The following SIPA1L2 variants were observed in gnomAD, a reference collection of about 807,000 sequenced individuals.
The protein encoded by SIPA1L2 is signal induced proliferation associated 1 like 2.
Under a neutral mutation model 163.9 loss-of-function variants are expected in SIPA1L2, and 56 were observed. That is an observed-to-expected ratio of 0.34 (90% confidence interval 0.28 to 0.43). The LOEUF is 0.43. Among genes scored for constraint, SIPA1L2 ranks in the 20% least tolerant of loss-of-function variants. The pLI is 1.00. For missense variants in SIPA1L2, 1,974 were observed against 2,193.5 expected (o/e 0.90, Z 2.00); for synonymous variants, 877 against 865.7 (o/e 1.01, Z -0.23).
At chr1:232,593,138 G>T (rs564465495) in intron 1 of SIPA1L2, among the ~76,000 whole-genome samples, 1 of 152,092 alleles carries the variant, frequency 6.6e-6, no homozygotes, top group Admixed American at 6.5e-5. Context: ...ATTGTATCAC[G>T]TATTTACAAC....
chr1:232,416,903 G>T (rs954654481), intron 18 of SIPA1L2, among the ~76,000 whole-genome samples: 2 of 152,096 alleles, frequency 1.3e-5, no homozygotes, highest in African/African-American at 4.8e-5. Flanking sequence ...AAGTGTTTAT[G>T]TCATTAATAA....
intron 3 of SIPA1L2, among the ~76,000 whole-genome samples, chr1:232,499,091 A>C (rs1286565516): frequency 6.6e-6 from 1 of 152,234 alleles, no homozygotes; most frequent in Non-Finnish European, 1.5e-5. Context: ...AATTACACTC[A>C]TCAATTGCCC....
At chr1:232,440,254 C>T (rs931608396) in intron 14 of SIPA1L2, among the ~76,000 whole-genome samples, 5 of 152,206 alleles carry the variant, frequency 3.3e-5, no homozygotes, top group Non-Finnish European at 7.3e-5. Flanking sequence ...GACACGGCCT[C>T]TCTTCACAGT....
intron 2 of SIPA1L2, among the ~76,000 whole-genome samples, chr1:232,562,502 T>C (rs1048618944): frequency 6.6e-6 from 1 of 152,184 alleles, no homozygotes; most frequent in African/African-American, 2.4e-5. Context: ...AAGAAAAGAA[T>C]CATAAATAAT....
chr1:232,434,371 A>C (rs556253327), intron 15 of SIPA1L2, among the ~76,000 whole-genome samples: 9 of 152,114 alleles, frequency 5.9e-5, no homozygotes, highest in Non-Finnish European at 1.3e-4. Context: ...CCAACCAACA[A>C]ACAAAGCGCC....
At chr1:232,475,380 C>T (rs1332871916) in intron 7 of SIPA1L2, among the ~76,000 whole-genome samples, 2 of 152,330 alleles carry the variant, frequency 1.3e-5, no homozygotes, top group East Asian at 1.9e-4. Context: ...TAATTTTGCA[C>T]TTATACATAC....
intron 2 of SIPA1L2, among the ~76,000 whole-genome samples, chr1:232,554,661 C>T (rs1658597702): frequency 6.6e-6 from 1 of 152,232 alleles, no homozygotes; most frequent in South Asian, 2.1e-4. Flanking sequence ...CACTGTCACA[C>T]ACGTGCTGAT....
intron 10 of SIPA1L2, among the ~76,000 whole-genome samples, chr1:232,459,068 C>G (rs1209910645): frequency 6.6e-6 from 1 of 152,146 alleles, no homozygotes; most frequent in East Asian, 1.9e-4. Context: ...AGGCTGGAGG[C>G]AAATGCTAAG....
At chr1:232,541,935 A>ATCTCTCTCTCTCTCTCTCTCTC (rs59407464) in intron 2 of SIPA1L2, among the ~76,000 whole-genome samples, 27 of 148,304 alleles carry the variant, frequency 1.8e-4, no homozygotes, top group African/African-American at 6.5e-4. Flanking sequence ...TGAGCCTTAA[A>ATCTCTCTCTCTCTCTCTCTCTC]TCTCTCTCTC....
At chr1:232,443,282 T>G (rs974893815) in intron 12 of SIPA1L2, among the ~76,000 whole-genome samples, 3 of 152,212 alleles carry the variant, frequency 2.0e-5, no homozygotes, top group African/African-American at 7.2e-5. Flanking sequence ...CTAAACCCAC[T>G]TCTCTGATTT....
chr1:232,414,976 A>G lies in SIPA1L2; in HGVS notation c.4762+518T>C, dbSNP rs59029106. Among the ~76,000 whole-genome samples the G allele has an allele frequency of 3.5e-3, 528 of 152,254 alleles. 6 individuals are homozygous for G. The highest frequency in any genetic ancestry group is 0.011 in the African/African-American group (477 of 41,526). ...TTGGCTAGCCCACCTACCCTCACTG[A>G]CCCACATTTTAAGAGGAAGAAGCCG... On this transcript the variant is annotated intron_variant, in intron 19 of 22. Transcript: ENST00000674635.
rs1345409483 is a variant in SIPA1L2, at chr1:232,514,843, A to G, written c.497T>C (p.Ile166Thr). ...GACATCTTCGGCATCAATGTCACTG[A>G]TAGTGACATCACTATTGCTCCTCTG... ...IRQRSNSDVT[I>T]SDIDAEDVLD... The change falls in exon 3 of 23, where the codon ATC becomes ACC. Residue 166 changes from isoleucine to threonine, a missense_variant. By Grantham distance (89) the Ile-to-Thr change is moderately conservative. This residue lies in a region of SIPA1L2 where 607 missense variants were observed against 624.0 expected (regional missense o/e 0.97). Transcript: ENST00000674635. 1.2e-6 allele frequency: 2 copies of G among 1,613,958 alleles called. No individual in the cohort carries two copies. The highest frequency in any genetic ancestry group is 1.7e-6 in the Non-Finnish European group (2 of 1,179,958).
chr1:232,481,219 T>C (rs1236333754), intron 6 of SIPA1L2, among the ~76,000 whole-genome samples: 2 of 152,246 alleles, frequency 1.3e-5, no homozygotes, highest in African/African-American at 4.8e-5. Context: ...GCTCGGAACC[T>C]TGACAGTGAA....
chr1:232,552,199 G>A (rs777440862), intron 2 of SIPA1L2, among the ~76,000 whole-genome samples: 1 of 152,126 alleles, frequency 6.6e-6, no homozygotes, highest in African/African-American at 2.4e-5. Context: ...TTAGTGTCCA[G>A]TGCCTCACAA....
chr1:232,490,996 G>A lies in SIPA1L2; in HGVS notation c.1684C>T (p.Arg562Ter). The change falls in exon 5 of 23, where the codon CGA (arginine) becomes TGA (stop). Residue 562 changes from arginine (R) to a stop codon, truncating the protein, a stop_gained. Coordinates refer to ENST00000674635, the MANE Select transcript of SIPA1L2 (RefSeq NM_020808.5). LOFTEE classifies it high-confidence loss of function. ...AAAACTTCTTTGAGAGGTAGTCCTCGTGCGGTACCATGCCTAGCAGTAGAG... is the reference window on the plus strand; with the variant it reads ...AAAACTTCTTTGAGAGGTAGTCCTCATGCGGTACCATGCCTAGCAGTAGAG... The part of the protein sequence containing the change: ...IPSTARHGTA[R>*]GLPLKEVLEY... The A allele has an allele frequency of 6.2e-7, 1 of 1,614,064 alleles. No individual in the cohort carries two copies. The highest frequency in any genetic ancestry group is 8.5e-7 in the Non-Finnish European group (1 of 1,179,982).
chr1:232,580,831 C>G (rs1660334135), intron 1 of SIPA1L2, among the ~76,000 whole-genome samples: 2 of 152,172 alleles, frequency 1.3e-5, no homozygotes, highest in Admixed American at 1.3e-4. Context: ...GCATTTCAAG[C>G]CCAGTGAATA....
At chr1:232,516,491 T>A (rs572608220) in intron 2 of SIPA1L2, among the ~76,000 whole-genome samples, 18 of 152,324 alleles carry the variant, frequency 1.2e-4, no homozygotes, top group African/African-American at 4.1e-4. Context: ...CTGAAAACCA[T>A]GGGATAGTGT....
At chr1:232,481,715 G>A (rs1050143086) in intron 6 of SIPA1L2, among the ~76,000 whole-genome samples, 1 of 152,104 alleles carries the variant, frequency 6.6e-6, no homozygotes. Context: ...TTCATGGCTG[G>A]GATTCTGTAC....
intron 2 of SIPA1L2, among the ~76,000 whole-genome samples, chr1:232,564,120 G>A (rs1659222530): frequency 9.8e-6 from 1 of 101,528 alleles, no homozygotes. Flanking sequence ...TGGCCAGACT[G>A]AACGACGAAG....
Sources: allele counts gnomAD v4.1 joint callset (sites outside exome capture counted in the v4.1 genomes callset), GRCh38; gene constraint gnomAD v4.1.1; regional missense constraint gnomAD v4.1.1; transcripts MANE v1.5; gene names NCBI Gene and HGNC (gene_info 2026-07-23, HGNC 2026-07-21).